HHIP: variants seen among roughly 807,000 people sequenced by gnomAD.
HHIP encodes the protein hedgehog interacting protein.
A neutral mutation model predicts 74.0 loss-of-function variants in HHIP; 12 were observed. The ratio of observed to expected loss-of-function variants is 0.16; its 90% confidence interval spans 0.10 to 0.26. The LOEUF is 0.26. Among genes scored for constraint, HHIP ranks in the 10% least tolerant of loss-of-function variants. The pLI is 1.00. For missense variants in HHIP, 788 were observed against 845.0 expected (o/e 0.93, Z 0.84); for synonymous variants, 309 against 311.6 (o/e 0.99, Z 0.09).
intron 10 of HHIP, among the ~76,000 whole-genome samples, chr4:144,717,117 A>C (rs949014319): frequency 6.6e-6 from 1 of 152,142 alleles, no homozygotes; most frequent in Non-Finnish European, 1.5e-5. Flanking sequence ...ACAACCCTGT[A>C]TATACCTCAT....
At chr4:144,655,558 G>C (rs1728537383) in intron 2 of HHIP, among the ~76,000 whole-genome samples, 1 of 152,072 alleles carries the variant, frequency 6.6e-6, no homozygotes, top group South Asian at 2.1e-4. Flanking sequence ...TGCTAAGAAG[G>C]CCAAGGTCAA....
At position 144,745,118 on chromosome 4, in the gene HHIP, T is replaced by A. The variant is rs1287320433; in HGVS notation, c.*7161T>A. ...TTGGTTTTATTGTTGATCTGTGGAT[T>A]TAATGATTTCTAGGTGAAAAGGACG... On this transcript the variant is annotated 3_prime_UTR_variant, in exon 13 of 13. Coordinates refer to ENST00000296575, the MANE Select transcript of HHIP (RefSeq NM_022475.3). 6.6e-6 allele frequency: 1 copy of A among 152,168 alleles called. No individual in the cohort carries two copies. Among genetic ancestry groups the A allele is most frequent in the East Asian group, 1.9e-4 (1 of 5,206 alleles). 9.4% of individuals were successfully genotyped at this position (152,168 alleles called of 1,614,324 possible).
At chr4:144,724,142 G>A (rs1207646400) in intron 11 of HHIP, among the ~76,000 whole-genome samples, 4 of 152,156 alleles carry the variant, frequency 2.6e-5, no homozygotes, top group African/African-American at 9.7e-5. Flanking sequence ...AGCAGCCTGA[G>A]TATCACTAAA....
At chr4:144,673,488 A>G (rs553554163) in intron 4 of HHIP, among the ~76,000 whole-genome samples, 3 of 152,346 alleles carry the variant, frequency 2.0e-5, no homozygotes, top group Non-Finnish European at 2.9e-5. Flanking sequence ...GGTAACCACA[A>G]TTAAAGACTG....
Position 144,734,802 on chromosome 4 carries a change from T to C in HHIP, c.1822T>C (p.Cys608Arg). The C allele has an allele frequency of 6.2e-7, 1 of 1,612,418 alleles. No homozygotes were observed. The highest frequency in any genetic ancestry group is 8.5e-7 in the Non-Finnish European group (1 of 1,178,860). The change falls in exon 12 of 13, where the codon TGC becomes CGC. Residue 608 changes from cysteine to arginine, a missense_variant. By Grantham distance (180) the Cys-to-Arg change is radical. Transcript: ENST00000296575. ...ACCTGCACAGACACTGACTTCAGAG[T>C]GCTCCAGGCTCTGTCGAAACGGCTA... ...VQPAQTLTSE[C>R]SRLCRNGYCT...
chr4:144,742,982 T>C lies in HHIP; in HGVS notation c.*5025T>C, dbSNP rs1439763924. On this transcript the variant is annotated 3_prime_UTR_variant, in exon 13 of 13. Coordinates refer to ENST00000296575, the MANE Select transcript of HHIP (RefSeq NM_022475.3). The stretch of plus-strand genomic sequence containing the variant: ...CATATAAGATATATGTATATATATA[T>C]ACATTATATATATATAATATATATA... 3 of 1,462 alleles carry C rather than the reference T, an allele frequency of 2.1e-3. No homozygotes were observed. Among genetic ancestry groups the C allele is most frequent in the African/African-American group, 3.9e-3 (3 of 766 alleles). The allele number at this position is 1,462 out of a possible 1,614,324, so 0.1% of individuals were successfully genotyped here. A position where few individuals can be genotyped will look rare whatever the true frequency, so the allele number is the denominator to read the frequency against.
intron 4 of HHIP, among the ~76,000 whole-genome samples, chr4:144,682,891 T>C (rs1211631751): frequency 6.6e-6 from 1 of 152,242 alleles, no homozygotes; most frequent in African/African-American, 2.4e-5. Flanking sequence ...CCAGTCTTTT[T>C]AGTTTAATGA....
Position 144,722,874 on chromosome 4 carries a change from C to T in HHIP, c.1760+3918C>T, listed in dbSNP as rs528783448. 1.5e-4 allele frequency among the ~76,000 whole-genome samples: 23 copies of T among 152,020 alleles called. 1 individual carries two copies. Among genetic ancestry groups the T allele is most frequent in the Middle Eastern group, 6.8e-3 (2 of 292 alleles). The stretch of plus-strand genomic sequence containing the variant: ...CTGTTTCAAAAAAAAAAAGAACTCT[C>T]AATACATAGTTTTCAAATTATACCT... On this transcript the variant is annotated intron_variant, in intron 11 of 12. Transcript: ENST00000296575.
chr4:144,729,492 C>G (rs1486246206), intron 11 of HHIP, among the ~76,000 whole-genome samples: 1 of 152,236 alleles, frequency 6.6e-6, no homozygotes, highest in South Asian at 2.1e-4. Flanking sequence ...GCCTCACAAA[C>G]TTGAATATGC....
At chr4:144,698,034 G>C (rs1729869181) in intron 4 of HHIP, among the ~76,000 whole-genome samples, 1 of 152,042 alleles carries the variant, frequency 6.6e-6, no homozygotes, top group Admixed American at 6.6e-5. Context: ...TTTCTAATTT[G>C]TCTGCATCTG....
At chr4:144,706,974 C>T (rs1433809712) in intron 5 of HHIP, 113 bp from the exon 6 acceptor site, 4 of 844,928 alleles carry the variant, frequency 4.7e-6, no homozygotes, top group African/African-American at 1.7e-5. Context: ...TATATGTTTC[C>T]TTATTTACTA....
intron 3 of HHIP, 100 bp from the exon 4 acceptor site, chr4:144,659,537 C>A: frequency 2.7e-6 from 2 of 737,998 alleles, no homozygotes; most frequent in African/African-American, 1.8e-5. Flanking sequence ...TTCTCAAAAC[C>A]ATGATTCCTA....
rs1280800975 is a variant in HHIP, at chr4:144,740,428, G to T, written c.*2471G>T. 2.0e-5 allele frequency: 3 copies of T among 152,146 alleles called. No individual in the cohort carries two copies. Among genetic ancestry groups the T allele is most frequent in the Admixed American group, 6.5e-5 (1 of 15,278 alleles). The allele number at this position is 152,146 out of a possible 1,614,324, so 9.4% of individuals were successfully genotyped here. On this transcript the variant is annotated 3_prime_UTR_variant, in exon 13 of 13. Coordinates refer to ENST00000296575, the MANE Select transcript of HHIP (RefSeq NM_022475.3). Reference sequence around the variant, plus strand: ...CTTTTGTGAGTCATTAGAATGAAAGGCCAAGTTCTTCTCAAGAGAAGATAG... The same window carrying T: ...CTTTTGTGAGTCATTAGAATGAAAGTCCAAGTTCTTCTCAAGAGAAGATAG...
chr4:144,691,100 CCAGA>C (rs891370390), intron 4 of HHIP, among the ~76,000 whole-genome samples: 18 of 151,902 alleles, frequency 1.2e-4, no homozygotes, highest in African/African-American at 3.6e-4. Context: ...TGAGGGGCTC[CCAGA>C]CAATCTTACA....
intron 1 of HHIP, chr4:144,648,559 AG>A (rs1448457172): frequency 6.6e-6 from 1 of 152,210 alleles, no homozygotes; most frequent in Non-Finnish European, 1.5e-5. Flanking sequence ...GTTTCAAAAT[AG>A]CTATATTCAG....
At chr4:144,684,140 A>G (rs1014299852) in intron 4 of HHIP, among the ~76,000 whole-genome samples, 4 of 149,452 alleles carry the variant, frequency 2.7e-5, no homozygotes, top group African/African-American at 9.8e-5. Context: ...TGTGAGGCCA[A>G]GGTGGGCGGA....
At chr4:144,649,956 T>C (rs924202788) in intron 1 of HHIP, among the ~76,000 whole-genome samples, 1 of 152,220 alleles carries the variant, frequency 6.6e-6, no homozygotes, top group Non-Finnish European at 1.5e-5. Flanking sequence ...GAGACACATG[T>C]GTTCTATCCA....
At chr4:144,725,248 T>C (rs932534065) in intron 11 of HHIP, among the ~76,000 whole-genome samples, 8 of 152,224 alleles carry the variant, frequency 5.3e-5, no homozygotes, top group African/African-American at 1.7e-4. Context: ...AAAAACTGCA[T>C]CTTAGCATCA....
chr4:144,732,417 A>G (rs1730986233), intron 11 of HHIP, among the ~76,000 whole-genome samples: 1 of 152,228 alleles, frequency 6.6e-6, no homozygotes, highest in Non-Finnish European at 1.5e-5. Flanking sequence ...ACCAAATCTT[A>G]GGGAAAAAAT....
Sources: gnomAD v4.1 joint callset for allele counts (sites outside exome capture counted in the v4.1 genomes callset) on GRCh38, gnomAD v4.1.1 for gene constraint, MANE v1.5 for transcripts, NCBI Gene and HGNC (gene_info 2026-07-23, HGNC 2026-07-21) for gene names.